Variants in CHRM3 observed in about 807,000 individuals in gnomAD.
The protein encoded by CHRM3 is cholinergic receptor muscarinic 3, also known as muscarinic acetylcholine receptor M3.
A neutral mutation model predicts 41.8 loss-of-function variants in CHRM3; 11 were observed. The observed-to-expected ratio is 0.26, with a 90% CI of 0.17 to 0.44. The LOEUF (loss-of-function observed/expected upper bound fraction) is 0.44, where lower values mean the gene tolerates loss of function less well. CHRM3 is among the 20% of genes least tolerant of loss of function. The pLI is 1.00. For missense variants in CHRM3, 571 were observed against 745.4 expected (o/e 0.77, Z 2.72); for synonymous variants, 297 against 301.4 (o/e 0.99, Z 0.15).
At chr1:239,613,218 C>T (rs187913968) in intron 3 of CHRM3, among the ~76,000 whole-genome samples, 1 of 152,198 alleles carries the variant, frequency 6.6e-6, no homozygotes, top group Non-Finnish European at 1.5e-5. Flanking sequence ...TTTGCTAAAC[C>T]AAGAACAGAT....
At chr1:239,758,421 A>G (rs143713786) in intron 5 of CHRM3, among the ~76,000 whole-genome samples, 106 of 152,292 alleles carry the variant, frequency 7.0e-4, no homozygotes, top group African/African-American at 2.4e-3. Flanking sequence ...CCACCCCAAC[A>G]AACAAGGTGC....
rs75628150 is a variant in CHRM3 at position 239,496,589 on chromosome 1, G to T, written c.-422+3782G>T. On this transcript the variant is annotated intron_variant, in intron 2 of 6. Coordinates refer to ENST00000676153, the MANE Select transcript of CHRM3 (RefSeq NM_001375978.1). Reference sequence around the variant, plus strand: ...GGTTGTATCTCCAATGACAACCTTTGTCTCATTCATCTCCAGATTATACCA... The same window carrying T: ...GGTTGTATCTCCAATGACAACCTTTTTCTCATTCATCTCCAGATTATACCA... Among the ~76,000 whole-genome samples the T allele has an allele frequency of 8.5e-3, 1,291 of 151,284 alleles. 36 individuals are homozygous for T. Among genetic ancestry groups the T allele is most frequent in the East Asian group, 0.064 (330 of 5,126 alleles).
In CHRM3 at chr1:239,891,939, T is replaced by C. The variant is rs373313913; in HGVS notation, c.-19-15494T>C. ...TTAAGGGTGGGGGTATAGCAAGGTGTGTCTGATCTATCCCATCACAGCCGA... is the reference window on the plus strand; with the variant it reads ...TTAAGGGTGGGGGTATAGCAAGGTGCGTCTGATCTATCCCATCACAGCCGA... On this transcript the variant is annotated intron_variant, in intron 6 of 6. Coordinates refer to ENST00000676153, the MANE Select transcript of CHRM3 (RefSeq NM_001375978.1). Among the ~76,000 whole-genome samples the C allele has an allele frequency of 1.4e-4, 22 of 152,304 alleles. No individual in the cohort carries two copies. In the East Asian group the frequency reaches 2.1e-3, roughly 15 times the overall value.
At chr1:239,749,970 A>T (rs984457858) in intron 5 of CHRM3, among the ~76,000 whole-genome samples, 40 of 152,328 alleles carry the variant, frequency 2.6e-4, no homozygotes, top group Non-Finnish European at 5.3e-4. Flanking sequence ...TTAAAAGTTT[A>T]AAAAGCCTCA....
At chr1:239,895,617 A>G (rs1256611652) in intron 6 of CHRM3, among the ~76,000 whole-genome samples, 2 of 152,216 alleles carry the variant, frequency 1.3e-5, no homozygotes, top group Non-Finnish European at 2.9e-5. Flanking sequence ...TAGTACACAT[A>G]CACTGTGGAA....
chr1:239,435,418 C>T (rs994588396), intron 1 of CHRM3, among the ~76,000 whole-genome samples: 4 of 150,330 alleles, frequency 2.7e-5, no homozygotes, highest in African/African-American at 9.8e-5. Flanking sequence ...CACTGCACTC[C>T]AGCCTGGGCG....
intron 4 of CHRM3, among the ~76,000 whole-genome samples, chr1:239,633,326 A>G (rs900834550): frequency 2.0e-5 from 3 of 152,224 alleles, no homozygotes; most frequent in African/African-American, 4.8e-5. Context: ...GGAAACTGCC[A>G]CTTTTAAAAC....
At chr1:239,868,132 A>G (rs2149306425) in intron 6 of CHRM3, among the ~76,000 whole-genome samples, 1 of 152,342 alleles carries the variant, frequency 6.6e-6, no homozygotes, top group South Asian at 2.1e-4. Flanking sequence ...GAAACTCTGA[A>G]GTCATTCACA....
At chr1:239,847,507 G>T (rs1382506045) in intron 6 of CHRM3, among the ~76,000 whole-genome samples, 2 of 152,104 alleles carry the variant, frequency 1.3e-5, no homozygotes, top group African/African-American at 4.8e-5. Flanking sequence ...AAAAAAGGCG[G>T]AAGGGATAGG....
chr1:239,453,343 A>G (rs1163296365), intron 1 of CHRM3, among the ~76,000 whole-genome samples: 1 of 152,222 alleles, frequency 6.6e-6, no homozygotes, highest in African/African-American at 2.4e-5. Flanking sequence ...CAAATAACAA[A>G]TGGAAATGGA....
chr1:239,407,852 G>C (rs192754789), intron 1 of CHRM3, among the ~76,000 whole-genome samples: 64 of 152,266 alleles, frequency 4.2e-4, no homozygotes, highest in African/African-American at 1.5e-3. Context: ...TAAAAAGGAA[G>C]TAAAGAAATT....
intron 5 of CHRM3, among the ~76,000 whole-genome samples, chr1:239,785,673 A>G (rs964249691): frequency 1.3e-5 from 2 of 151,980 alleles, no homozygotes; most frequent in African/African-American, 4.8e-5. Context: ...TTCTCAGCTT[A>G]GTTTTGCCTT....
intron 5 of CHRM3, among the ~76,000 whole-genome samples, chr1:239,678,968 T>A (rs1047242920): frequency 1.3e-5 from 2 of 152,148 alleles, no homozygotes; most frequent in Admixed American, 6.5e-5. Context: ...TTCTGTCTAA[T>A]TCAGACTTAC....
chr1:239,495,430 C>T (rs1267396506), intron 2 of CHRM3, among the ~76,000 whole-genome samples: 7 of 152,182 alleles, frequency 4.6e-5, no homozygotes, highest in African/African-American at 1.7e-4. Flanking sequence ...CTCTCCACTC[C>T]TTCAAGTGCA....
At chr1:239,504,875 G>A (rs1302418856) in intron 2 of CHRM3, among the ~76,000 whole-genome samples, 2 of 151,832 alleles carry the variant, frequency 1.3e-5, no homozygotes, top group Non-Finnish European at 2.9e-5. Context: ...GGATGCAAAG[G>A]CATAAGAATG....
intron 5 of CHRM3, among the ~76,000 whole-genome samples, chr1:239,746,611 CTCTT>C (rs1665379278): frequency 6.6e-6 from 1 of 152,150 alleles, no homozygotes; most frequent in Admixed American, 6.5e-5. Context: ...AATGTCAACT[CTCTT>C]TCTGTCTCAT....
intron 2 of CHRM3, among the ~76,000 whole-genome samples, chr1:239,493,372 C>T (rs1667678941): frequency 6.6e-6 from 1 of 152,156 alleles, no homozygotes; most frequent in South Asian, 2.1e-4. Flanking sequence ...GACCAGGCTT[C>T]ACTTGGCAGA....
chr1:239,428,583 G>T (rs1253478658), intron 1 of CHRM3, among the ~76,000 whole-genome samples: 1 of 152,160 alleles, frequency 6.6e-6, no homozygotes, highest in Non-Finnish European at 1.5e-5. Flanking sequence ...TTTAAAAGAT[G>T]CAGTAACATT....
intron 3 of CHRM3, among the ~76,000 whole-genome samples, chr1:239,589,671 G>GGC (rs1663882442): frequency 3.3e-5 from 3 of 91,546 alleles, no homozygotes; most frequent in Non-Finnish European, 6.7e-5. Flanking sequence ...TATATATATA[G>GGC]TTTTATGTAA....
Sources: gnomAD v4.1 joint callset for allele counts (sites outside exome capture counted in the v4.1 genomes callset) on GRCh38, gnomAD v4.1.1 for gene constraint, MANE v1.5 for transcripts, NCBI Gene and HGNC (gene_info 2026-07-23, HGNC 2026-07-21) for gene names.